Variants in COPG2 observed in about 807,000 individuals in gnomAD.
COPG2 encodes the protein coatomer subunit gamma-2.
In COPG2, 37 loss-of-function variants were observed where a neutral mutation model predicts 46.3. That is an observed-to-expected ratio of 0.80 (90% CI 0.61 to 1.05). COPG2 has a LOEUF of 1.05. Ranked by LOEUF, COPG2 falls within the 50% of genes least tolerant of loss-of-function variation. COPG2 has a pLI of 0.00. For missense variants in COPG2, 427 were observed against 387.8 expected, an observed-to-expected ratio of 1.10 and a Z score of -0.85; for synonymous variants, 159 against 129.7, an observed-to-expected ratio of 1.23 and a Z score of -1.53.
intron 4 of COPG2, 137 bp from the exon 5 acceptor site, chr7:130,653,085 AT>A: frequency 1.7e-6 from 1 of 587,818 alleles, no homozygotes; most frequent in African/African-American, 1.9e-5. Context: ...AAAAAAAAAA[AT>A]TAATATCTGG....
At chr7:130,569,823 C>T (rs900825695) in intron 9 of COPG2, among the ~76,000 whole-genome samples, 6 of 152,106 alleles carry the variant, frequency 3.9e-5, no homozygotes, top group Non-Finnish European at 7.4e-5. Flanking sequence ...ATATAACTAA[C>T]CAAATTCAAC....
Position 130,613,548 on chromosome 7 carries a change from G to A in COPG2, c.488C>T (p.Ser163Phe). ...SSVSSSALVS[S>F]LHMMKISYDV... Reference sequence around the variant, plus strand: ...GGAAGCTGCTTGTTCACTTACCAGGGAAGATACCAGTGCTGAACTGGATAC... The same window carrying A: ...GGAAGCTGCTTGTTCACTTACCAGGAAAGATACCAGTGCTGAACTGGATAC... Residue 163 changes from serine to phenylalanine, a missense_variant, in exon 7 of 24, where the codon TCC becomes TTC. Coordinates refer to ENST00000425248, the MANE Select transcript of COPG2 (RefSeq NM_012133.6). The A allele has an allele frequency of 2.5e-6, 4 of 1,580,358 alleles. No individual in the cohort carries two copies. The highest frequency in any genetic ancestry group is 2.6e-6 in the Non-Finnish European group (3 of 1,156,378).
intron 9 of COPG2, among the ~76,000 whole-genome samples, chr7:130,586,811 G>A (rs995863394): frequency 6.6e-6 from 1 of 151,988 alleles, no homozygotes; most frequent in Non-Finnish European, 1.5e-5. Context: ...CATCCTAAAT[G>A]TGAATCTTTT....
intron 20 of COPG2, among the ~76,000 whole-genome samples, chr7:130,546,063 T>C (rs1019835192): frequency 6.6e-6 from 1 of 152,196 alleles, no homozygotes; most frequent in Non-Finnish European, 1.5e-5. Context: ...GGATTGATTC[T>C]TCAATGGGTT....
intron 4 of COPG2, among the ~76,000 whole-genome samples, chr7:130,655,396 G>C (rs1308222150): frequency 2.0e-5 from 3 of 152,128 alleles, no homozygotes; most frequent in Non-Finnish European, 4.4e-5. Context: ...GCAATAGAAG[G>C]TCTTTCCACT....
chr7:130,645,174 C>T (rs1795570552), intron 5 of COPG2: 1 of 601,386 alleles, frequency 1.7e-6, no homozygotes, highest in South Asian at 1.5e-5. Context: ...GGTCCTCATG[C>T]TTCCACGTAT....
chr7:130,602,330 T>G (rs148878198), intron 9 of COPG2, among the ~76,000 whole-genome samples: 10,337 of 152,114 alleles, frequency 0.068, 429 homozygotes, highest in East Asian at 0.16. Flanking sequence ...TACATTCAAT[T>G]TACATTCTTT....
chr7:130,591,955 G>C (rs568270829), intron 9 of COPG2, among the ~76,000 whole-genome samples: 159 of 152,344 alleles, frequency 1.0e-3, no homozygotes, highest in African/African-American at 3.6e-3. Flanking sequence ...TTGTGGAATA[G>C]AAAGGGGGGA....
chr7:130,532,211 T>C (rs1799833149), intron 20 of COPG2, among the ~76,000 whole-genome samples: 2 of 152,106 alleles, frequency 1.3e-5, no homozygotes, highest in Non-Finnish European at 2.9e-5. Context: ...AACAAATGGA[T>C]GTAGCTGCAA....
intron 5 of COPG2, 131 bp from the exon 6 acceptor site, chr7:130,617,196 T>C (rs1191059419): frequency 3.7e-6 from 2 of 539,808 alleles, no homozygotes; most frequent in South Asian, 2.8e-5. Flanking sequence ...TTATGGAGCA[T>C]ATTCTTTGTA....
intron 4 of COPG2, among the ~76,000 whole-genome samples, chr7:130,659,337 A>T (rs1372257049): frequency 4.9e-5 from 4 of 81,972 alleles, no homozygotes; most frequent in African/African-American, 1.7e-4. Context: ...CCTGGGCGAC[A>T]GAGCAAGACT....
chr7:130,606,240 AAG>A (rs145785936), intron 9 of COPG2, among the ~76,000 whole-genome samples: 65 of 149,160 alleles, frequency 4.4e-4, no homozygotes, highest in African/African-American at 9.9e-4. Flanking sequence ...AAAAAAAAGA[AAG>A]AGAGAGAGAG....
At chr7:130,613,219 G>A (rs1346751287) in intron 7 of COPG2, among the ~76,000 whole-genome samples, 11 of 152,094 alleles carry the variant, frequency 7.2e-5, no homozygotes, top group African/African-American at 2.7e-4. Flanking sequence ...ATCCCTGCAT[G>A]CGCAGCTCAC....
At chr7:130,589,485 A>T (rs868975418) in intron 9 of COPG2, among the ~76,000 whole-genome samples, 26 of 151,892 alleles carry the variant, frequency 1.7e-4, no homozygotes, top group African/African-American at 6.0e-4. Flanking sequence ...GGGTCTTGCT[A>T]TGTTGGCGGG....
intron 6 of COPG2, among the ~76,000 whole-genome samples, chr7:130,616,068 G>C (rs1246154659): frequency 6.6e-6 from 1 of 152,172 alleles, no homozygotes; most frequent in African/African-American, 2.4e-5. Flanking sequence ...TCTCCTCAAG[G>C]CTTTTTCTGG....
intron 5 of COPG2, among the ~76,000 whole-genome samples, chr7:130,638,244 T>C (rs1315455160): frequency 6.6e-6 from 1 of 152,054 alleles, no homozygotes; most frequent in Non-Finnish European, 1.5e-5. Context: ...TTAGGAGAGC[T>C]TGAGCACTGT....
intron 9 of COPG2, among the ~76,000 whole-genome samples, chr7:130,583,493 T>TAAAAAAAAAAAA (rs782593413): frequency 2.9e-5 from 1 of 34,388 alleles, no homozygotes; most frequent in Non-Finnish European, 4.9e-5. Flanking sequence ...ACATAAAGTA[T>TAAAAAAAAAAAA]AAAAAAAAAA....
intron 5 of COPG2, among the ~76,000 whole-genome samples, chr7:130,644,743 A>G (rs1795558897): frequency 6.6e-6 from 1 of 152,108 alleles, no homozygotes. Flanking sequence ...ATATTTCCCA[A>G]TTCTGTCTTC....
chr7:130,526,500 C>T (rs898000882), intron 20 of COPG2, among the ~76,000 whole-genome samples: 7 of 151,978 alleles, frequency 4.6e-5, no homozygotes, highest in Admixed American at 2.6e-4. Context: ...GGCAGCGCAA[C>T]GGGGGAGTCA....
Sources: gnomAD v4.1 joint callset for allele counts (sites outside exome capture counted in the v4.1 genomes callset) on GRCh38, gnomAD v4.1.1 for gene constraint, MANE v1.5 for transcripts, NCBI Gene and HGNC (gene_info 2026-07-23, HGNC 2026-07-21) for gene names.